ANO6: variants seen among roughly 807,000 people sequenced by gnomAD.
ANO6 encodes anoctamin 6.
Under a neutral mutation model 117.5 loss-of-function variants are expected in ANO6, and 106 were observed. The observed-to-expected ratio is 0.90, with a 90% confidence interval of 0.77 to 1.06. The LOEUF is 1.06. Ranked by LOEUF, ANO6 falls within the 50% of genes least tolerant of loss-of-function variation. ANO6 has a pLI of 0.00. For missense variants in ANO6, 955 were observed against 1,121.1 expected (o/e 0.85, Z 2.12); for synonymous variants, 367 against 385.1 (o/e 0.95, Z 0.55).
chr12:45,406,810 C>T (rs531882239), intron 15 of ANO6, among the ~76,000 whole-genome samples: 2 of 152,166 alleles, frequency 1.3e-5, no homozygotes, highest in African/African-American at 2.4e-5. Flanking sequence ...TACTGTAGAA[C>T]GTCCTAAACA....
chr12:45,248,653 C>T (rs1233541727), intron 1 of ANO6, among the ~76,000 whole-genome samples: 2 of 151,944 alleles, frequency 1.3e-5, no homozygotes, highest in South Asian at 2.1e-4. Flanking sequence ...AGGCTGGTCT[C>T]GTGACCCGCC....
chr12:45,342,669 G>A (rs1300359708), intron 3 of ANO6, among the ~76,000 whole-genome samples: 1 of 152,124 alleles, frequency 6.6e-6, no homozygotes, highest in Non-Finnish European at 1.5e-5. Flanking sequence ...GGCAGTCATC[G>A]ATCCACTATT....
rs1187613222 is a variant in ANO6, at chr12:45,404,703, C to T, written c.1880+1167C>T. 2.6e-5 allele frequency among the ~76,000 whole-genome samples: 4 copies of T among 152,116 alleles called. No individual in the cohort carries two copies. The East Asian group carries it at 7.7e-4, about 29-fold the overall frequency. The stretch of plus-strand genomic sequence containing the variant: ...CCCTGTCCTCCTCCTCTCATCTCCC[C>T]CACCACCTCTTCCCTTGTTTAGAAA... On this transcript the variant is annotated intron_variant, in intron 15 of 19. Coordinates refer to ENST00000320560, the MANE Select transcript of ANO6 (RefSeq NM_001025356.3).
chr12:45,303,736 G>A (rs188945684), intron 2 of ANO6, among the ~76,000 whole-genome samples: 21 of 152,284 alleles, frequency 1.4e-4, no homozygotes, highest in Admixed American at 5.2e-4. Flanking sequence ...GCTAGTCTAA[G>A]CTAGAATGCC....
chr12:45,244,392 G>A (rs1313886383), intron 1 of ANO6, among the ~76,000 whole-genome samples: 1 of 130,340 alleles, frequency 7.7e-6, no homozygotes, highest in Non-Finnish European at 1.6e-5. Context: ...ACTACATAGG[G>A]CTTCTCTATT....
chr12:45,420,817 G>GAGTTCAAGACCAGC (rs1275013901), intron 17 of ANO6, among the ~76,000 whole-genome samples: 1 of 138,710 alleles, frequency 7.2e-6, no homozygotes, highest in Non-Finnish European at 1.5e-5. Context: ...TCGAGACCAG[G>GAGTTCAAGACCAGC]AGTTCAAGAC....
intron 3 of ANO6, among the ~76,000 whole-genome samples, chr12:45,332,703 C>G (rs2137405328): frequency 6.6e-6 from 1 of 152,152 alleles, no homozygotes; most frequent in South Asian, 2.1e-4. Context: ...GGTTGGGCCT[C>G]TGTCCTTTGC....
chr12:45,291,935 T>C (rs574060833), intron 1 of ANO6, among the ~76,000 whole-genome samples: 30 of 152,268 alleles, frequency 2.0e-4, no homozygotes, highest in African/African-American at 7.2e-4. Flanking sequence ...AACATAATTA[T>C]CGTACGATCC....
intron 16 of ANO6, among the ~76,000 whole-genome samples, chr12:45,416,425 G>T (rs886681637): frequency 1.3e-5 from 2 of 152,016 alleles, no homozygotes; most frequent in Non-Finnish European, 2.9e-5. Flanking sequence ...TATTACCAGC[G>T]AATAATTCTG....
intron 1 of ANO6, among the ~76,000 whole-genome samples, chr12:45,265,494 C>T (rs1938185662): frequency 6.6e-6 from 1 of 152,130 alleles, no homozygotes; most frequent in South Asian, 2.1e-4. Flanking sequence ...GTCTTGAGTG[C>T]TTACTGTCAG....
chr12:45,314,494 T>C (rs866950966), intron 2 of ANO6, among the ~76,000 whole-genome samples: 1 of 147,214 alleles, frequency 6.8e-6, no homozygotes, highest in African/African-American at 2.6e-5. Flanking sequence ...CACACACACA[T>C]ATATACATAT....
chr12:45,388,735 A>G lies in ANO6; in HGVS notation c.1308+432A>G, dbSNP rs558350591. The stretch of plus-strand genomic sequence containing the variant: ...GCCCCTTTATCTTGCAGTAAGCCTC[A>G]GTCACTGCTCCACCTTCTGGTTGGG... On this transcript the variant is annotated intron_variant, in intron 11 of 19. Coordinates refer to ENST00000320560, the MANE Select transcript of ANO6 (RefSeq NM_001025356.3). 2.2e-4 allele frequency among the ~76,000 whole-genome samples: 34 copies of G among 152,274 alleles called. No individual in the cohort carries two copies. The South Asian group carries it at 7.1e-3, about 32-fold the overall frequency.
chr12:45,229,095 C>T (rs1447076415), intron 1 of ANO6, among the ~76,000 whole-genome samples: 1 of 151,952 alleles, frequency 6.6e-6, no homozygotes, highest in Non-Finnish European at 1.5e-5. Context: ...TTCTCAGGGT[C>T]CGGGATGAGA....
intron 10 of ANO6, among the ~76,000 whole-genome samples, chr12:45,381,595 C>A (rs2137556361): frequency 6.6e-6 from 1 of 152,300 alleles, no homozygotes; most frequent in South Asian, 2.1e-4. Context: ...CCTGCAGAAT[C>A]TGTGGCTGAG....
At chr12:45,350,838 A>T in intron 7 of ANO6, 64 bp downstream of exon 7, 1 of 1,311,258 alleles carries the variant, frequency 7.6e-7, no homozygotes, top group Non-Finnish European at 1.1e-6. Flanking sequence ...CAGCATCTGA[A>T]TGTGACAGTA....
chr12:45,316,225 AG>A (rs562605533), intron 2 of ANO6, among the ~76,000 whole-genome samples: 40 of 152,240 alleles, frequency 2.6e-4, no homozygotes, highest in African/African-American at 9.6e-4. Flanking sequence ...ATCACTAAAA[AG>A]ATGGCACAGT....
intron 16 of ANO6, among the ~76,000 whole-genome samples, chr12:45,410,224 C>T (rs190730455): frequency 1.3e-4 from 20 of 152,358 alleles, no homozygotes; most frequent in Non-Finnish European, 2.5e-4. Context: ...CATGCAGCTT[C>T]GTGGCAGGAA....
intron 8 of ANO6, among the ~76,000 whole-genome samples, chr12:45,360,571 C>G (rs1941529203): frequency 6.6e-6 from 1 of 152,204 alleles, no homozygotes; most frequent in Non-Finnish European, 1.5e-5. Flanking sequence ...TGTGTTTTCA[C>G]TTTCCTAATA....
chr12:45,292,949 C>G (rs1264839759), intron 1 of ANO6: 2 of 1,550,724 alleles, frequency 1.3e-6, no homozygotes, highest in African/African-American at 2.7e-5. Flanking sequence ...GAACATGTTC[C>G]TATTTGGTGA....
Sources: allele counts gnomAD v4.1 joint callset (sites outside exome capture counted in the v4.1 genomes callset), GRCh38; gene constraint gnomAD v4.1.1; transcripts MANE v1.5; gene names NCBI Gene and HGNC (gene_info 2026-07-23, HGNC 2026-07-21).